Variants in FER observed in about 807,000 individuals in gnomAD.
The protein encoded by FER is FER tyrosine kinase, also known as tyrosine-protein kinase Fer.
In FER, 63 loss-of-function variants were observed where a neutral mutation model predicts 111.0. The observed-to-expected ratio is 0.57, with a 90% CI of 0.46 to 0.70. The LOEUF (loss-of-function observed/expected upper bound fraction) is 0.70, where lower values mean the gene tolerates loss of function less well. FER is among the 30% of genes least tolerant of loss of function. The pLI is 0.00. For synonymous variants in FER, 327 were observed against 313.9 expected (o/e 1.04, Z -0.44); for missense variants, 914 against 954.0 (o/e 0.96, Z 0.55).
intron 17 of FER, among the ~76,000 whole-genome samples, chr5:109,174,037 A>G (rs1757429638): frequency 6.6e-6 from 1 of 152,188 alleles, no homozygotes; most frequent in South Asian, 2.1e-4. Flanking sequence ...CTTCAAAGAG[A>G]GAGAACAGAC....
intron 17 of FER, among the ~76,000 whole-genome samples, chr5:109,127,907 A>G (rs972499646): frequency 6.6e-6 from 1 of 152,118 alleles, no homozygotes; most frequent in Non-Finnish European, 1.5e-5. Flanking sequence ...TTGAAATTCT[A>G]ATTTATGTTC....
At chr5:109,137,354 A>G (rs1753009355) in intron 17 of FER, among the ~76,000 whole-genome samples, 1 of 152,194 alleles carries the variant, frequency 6.6e-6, no homozygotes, top group South Asian at 2.1e-4. Flanking sequence ...ACTCTCCCTT[A>G]GGGTTTACTA....
chr5:108,827,975 A>G (rs1458494265), intron 3 of FER, among the ~76,000 whole-genome samples: 2 of 151,918 alleles, frequency 1.3e-5, no homozygotes, highest in African/African-American at 4.8e-5. Flanking sequence ...GACTATAGAA[A>G]CAAGCCACCA....
chr5:108,829,622 G>T (rs2150125520), intron 3 of FER, among the ~76,000 whole-genome samples: 1 of 152,246 alleles, frequency 6.6e-6, no homozygotes, highest in African/African-American at 2.4e-5. Context: ...CTGGGTGACA[G>T]GGTGAGACCC....
At chr5:108,911,458 A>C (rs1561602575) in intron 10 of FER, among the ~76,000 whole-genome samples, 1 of 152,116 alleles carries the variant, frequency 6.6e-6, no homozygotes, top group African/African-American at 2.4e-5. Flanking sequence ...GATGTATAAA[A>C]ACTTTCTAGT....
At chr5:109,064,167 C>T (rs1257920608) in intron 16 of FER, among the ~76,000 whole-genome samples, 2 of 152,156 alleles carry the variant, frequency 1.3e-5, no homozygotes, top group African/African-American at 4.8e-5. Flanking sequence ...CTGGCCATTC[C>T]TGCAGATACT....
At chr5:108,818,461 ATCTTT>A (rs1758501094) in intron 3 of FER, among the ~76,000 whole-genome samples, 1 of 152,064 alleles carries the variant, frequency 6.6e-6, no homozygotes, top group Non-Finnish European at 1.5e-5. Flanking sequence ...AAAAGAATAA[ATCTTT>A]TGAAATCACA....
intron 3 of FER, among the ~76,000 whole-genome samples, chr5:108,809,932 G>T (rs1339825363): frequency 6.6e-6 from 1 of 152,164 alleles, no homozygotes; most frequent in African/African-American, 2.4e-5. Context: ...TGGAGAGCTG[G>T]TATGATCCTT....
At chr5:108,762,166 TGTG>T (rs1327080237) in intron 1 of FER, among the ~76,000 whole-genome samples, 1 of 152,086 alleles carries the variant, frequency 6.6e-6, no homozygotes, top group African/African-American at 2.4e-5. Context: ...CTGCCTGCCT[TGTG>T]GTATAATTTT....
intron 1 of FER, among the ~76,000 whole-genome samples, chr5:108,751,898 T>C (rs141238494): frequency 1.3e-3 from 200 of 152,284 alleles, no homozygotes; most frequent in African/African-American, 4.3e-3. Flanking sequence ...GAAATTTGTG[T>C]ACACCTTTTT....
intron 13 of FER, among the ~76,000 whole-genome samples, chr5:109,026,696 C>A (rs1207417831): frequency 4.6e-5 from 7 of 152,192 alleles, no homozygotes; most frequent in Admixed American, 2.6e-4. Context: ...ATTATTCTTT[C>A]TTTTTTGTTG....
chr5:108,829,126 C>T (rs1312133041), intron 3 of FER, among the ~76,000 whole-genome samples: 1 of 152,102 alleles, frequency 6.6e-6, no homozygotes, highest in African/African-American at 2.4e-5. Context: ...ACATTTTACT[C>T]TCCTCTCTTT....
intron 10 of FER, among the ~76,000 whole-genome samples, chr5:108,902,192 G>A (rs1750131501): frequency 6.6e-6 from 1 of 151,950 alleles, no homozygotes. Context: ...GAAAAAAACG[G>A]GCTATAAGAA....
intron 13 of FER, among the ~76,000 whole-genome samples, chr5:108,969,140 C>T (rs1760290829): frequency 6.6e-6 from 1 of 152,114 alleles, no homozygotes. Context: ...TCTGTCAAAA[C>T]TGTAAAATGT....
chr5:109,175,248 C>G (rs1246048222), intron 17 of FER, among the ~76,000 whole-genome samples: 1 of 152,156 alleles, frequency 6.6e-6, no homozygotes, highest in Non-Finnish European at 1.5e-5. Context: ...GTGTGTGTGA[C>G]TAACATTTAT....
intron 3 of FER, among the ~76,000 whole-genome samples, chr5:108,815,014 C>A (rs1758139511): frequency 6.6e-6 from 1 of 152,012 alleles, no homozygotes; most frequent in African/African-American, 2.4e-5. Flanking sequence ...AGAAGATATT[C>A]CAATCTCATC....
chr5:108,877,514 A>G (rs754851975), intron 8 of FER, among the ~76,000 whole-genome samples: 1 of 152,208 alleles, frequency 6.6e-6, no homozygotes, highest in Non-Finnish European at 1.5e-5. Flanking sequence ...AAAAGCTCAT[A>G]AAGATTTGTG....
chr5:109,122,048 C>T (rs759007256), intron 17 of FER, among the ~76,000 whole-genome samples: 1 of 151,358 alleles, frequency 6.6e-6, no homozygotes, highest in Non-Finnish European at 1.5e-5. Context: ...GTTTTGTTAG[C>T]CTTTTGTATT....
At chr5:108,776,338 A>C (rs1302662855) in intron 2 of FER, among the ~76,000 whole-genome samples, 7 of 152,178 alleles carry the variant, frequency 4.6e-5, no homozygotes, top group African/African-American at 1.7e-4. Flanking sequence ...AATATTTTCA[A>C]CCATAAAACA....
Sources: gnomAD v4.1 joint callset for allele counts (sites outside exome capture counted in the v4.1 genomes callset) on GRCh38, gnomAD v4.1.1 for gene constraint, MANE v1.5 for transcripts, NCBI Gene and HGNC (gene_info 2026-07-23, HGNC 2026-07-21) for gene names.